SGCZ: variants seen among roughly 807,000 people sequenced by gnomAD.
SGCZ encodes the protein zeta-sarcoglycan.
In SGCZ, 40 loss-of-function variants were observed where a neutral mutation model predicts 41.3. The observed-to-expected ratio is 0.97, with a 90% CI of 0.75 to 1.26. SGCZ has a LOEUF of 1.26. Ranked by LOEUF, SGCZ falls within the 50% of genes most tolerant of loss-of-function variation. The pLI is 0.00. For synonymous variants in SGCZ, 206 were observed against 137.5 expected (o/e 1.50, Z -3.49); for missense variants, 552 against 369.8 (o/e 1.49, Z -4.04).
intron 1 of SGCZ, among the ~76,000 whole-genome samples, chr8:14,569,327 A>T (rs984848174): frequency 6.6e-6 from 1 of 152,136 alleles, no homozygotes; most frequent in East Asian, 1.9e-4. Context: ...TTTATTTCTC[A>T]TACTTTTCAC....
intron 2 of SGCZ, among the ~76,000 whole-genome samples, chr8:14,502,210 A>C (rs1802175411): frequency 6.6e-6 from 1 of 152,120 alleles, no homozygotes; most frequent in Non-Finnish European, 1.5e-5. Flanking sequence ...AAAGATTTCA[A>C]ATAATTAAGC....
intron 3 of SGCZ, among the ~76,000 whole-genome samples, chr8:14,292,030 G>C (rs566727316): frequency 6.6e-6 from 1 of 151,906 alleles, no homozygotes; most frequent in Non-Finnish European, 1.5e-5. Flanking sequence ...ATATTTTACT[G>C]GGCAATGTAA....
chr8:15,161,938 C>T (rs529937848), intron 1 of SGCZ, among the ~76,000 whole-genome samples: 226 of 152,080 alleles, frequency 1.5e-3, no homozygotes, highest in Non-Finnish European at 1.8e-3. Context: ...GGCTGGGACA[C>T]GAGAATCACT....
chr8:14,744,617 T>C (rs1045516306), intron 1 of SGCZ, among the ~76,000 whole-genome samples: 1 of 152,170 alleles, frequency 6.6e-6, no homozygotes, highest in Non-Finnish European at 1.5e-5. Context: ...AGTTCATTTG[T>C]ATACAATGGA....
intron 1 of SGCZ, among the ~76,000 whole-genome samples, chr8:14,567,367 C>G (rs1268519306): frequency 6.6e-6 from 1 of 152,162 alleles, no homozygotes; most frequent in African/African-American, 2.4e-5. Context: ...CCAATCGGCA[C>G]TCTGTATCTA....
intron 1 of SGCZ, among the ~76,000 whole-genome samples, chr8:15,156,408 A>G (rs567645468): frequency 1.6e-4 from 25 of 152,312 alleles, no homozygotes; most frequent in African/African-American, 6.0e-4. Flanking sequence ...GAACTTGCCA[A>G]TCGTGACAAG....
At chr8:14,516,642 C>A (rs1249774988) in intron 2 of SGCZ, among the ~76,000 whole-genome samples, 1 of 151,978 alleles carries the variant, frequency 6.6e-6, no homozygotes, top group Non-Finnish European at 1.5e-5. Flanking sequence ...TGGTACTATT[C>A]CTAAAAAGCA....
At chr8:14,247,001 T>C (rs889236924) in intron 3 of SGCZ, among the ~76,000 whole-genome samples, 7 of 152,062 alleles carry the variant, frequency 4.6e-5, no homozygotes, top group African/African-American at 1.7e-4. Flanking sequence ...ATTTTTATGT[T>C]AAAGGAAGAA....
At chr8:14,217,335 A>C (rs1806034303) in intron 4 of SGCZ, among the ~76,000 whole-genome samples, 2 of 150,236 alleles carry the variant, frequency 1.3e-5, no homozygotes, top group South Asian at 2.1e-4. Flanking sequence ...AGATACACAC[A>C]CACACCCACA....
chr8:14,856,589 G>A (rs1563318663), intron 1 of SGCZ, among the ~76,000 whole-genome samples: 1 of 152,108 alleles, frequency 6.6e-6, no homozygotes, highest in Non-Finnish European at 1.5e-5. Flanking sequence ...GTATTCTGGA[G>A]AGCAATATTA....
intron 3 of SGCZ, among the ~76,000 whole-genome samples, chr8:14,246,621 G>A (rs1308110592): frequency 1.3e-5 from 2 of 150,608 alleles, no homozygotes; most frequent in African/African-American, 4.9e-5. Context: ...GAAATAAAAA[G>A]TAAAAGCTGG....
At chr8:15,087,553 G>A (rs1031615796) in intron 1 of SGCZ, among the ~76,000 whole-genome samples, 7 of 152,000 alleles carry the variant, frequency 4.6e-5, no homozygotes, top group South Asian at 2.1e-4. Flanking sequence ...AAGCATTTGC[G>A]GATAAAGTTG....
At chr8:14,780,972 T>C (rs1246302680) in intron 1 of SGCZ, among the ~76,000 whole-genome samples, 2 of 152,174 alleles carry the variant, frequency 1.3e-5, no homozygotes, top group African/African-American at 4.8e-5. Context: ...GAAACCAGGT[T>C]GTTGTCTTGA....
At chr8:15,090,384 A>T (rs1023909519) in intron 1 of SGCZ, among the ~76,000 whole-genome samples, 1 of 152,202 alleles carries the variant, frequency 6.6e-6, no homozygotes, top group Non-Finnish European at 1.5e-5. Context: ...CATTTTTTCC[A>T]TATTTCAGCT....
chr8:14,627,878 T>C (rs1490294785), intron 1 of SGCZ, among the ~76,000 whole-genome samples: 2 of 152,104 alleles, frequency 1.3e-5, no homozygotes, highest in African/African-American at 4.8e-5. Context: ...TTAACATGTT[T>C]AAATGGAAAA....
chr8:14,752,894 G>C (rs1799542163), intron 1 of SGCZ, among the ~76,000 whole-genome samples: 1 of 152,174 alleles, frequency 6.6e-6, no homozygotes, highest in South Asian at 2.1e-4. Flanking sequence ...ATCTGTGTTT[G>C]AGATAAATGA....
intron 1 of SGCZ, among the ~76,000 whole-genome samples, chr8:15,082,988 T>A (rs1385503851): frequency 1.3e-5 from 2 of 152,204 alleles, no homozygotes; most frequent in African/African-American, 2.4e-5. Flanking sequence ...ACCTTCTTTA[T>A]TCATTGAATT....
intron 3 of SGCZ, among the ~76,000 whole-genome samples, chr8:14,239,302 G>C (rs1241788013): frequency 1.3e-5 from 2 of 150,684 alleles, no homozygotes; most frequent in African/African-American, 2.4e-5. Context: ...ATTCAATCTT[G>C]GCAAAATTCA....
intron 4 of SGCZ, among the ~76,000 whole-genome samples, chr8:14,231,637 C>A (rs950953971): frequency 1.3e-5 from 2 of 151,960 alleles, no homozygotes; most frequent in Non-Finnish European, 1.5e-5. Context: ...TACATAACTA[C>A]CCTTTTTGTT....
Sources: gnomAD v4.1 joint callset for allele counts (sites outside exome capture counted in the v4.1 genomes callset) on GRCh38, gnomAD v4.1.1 for gene constraint, MANE v1.5 for transcripts, NCBI Gene and HGNC (gene_info 2026-07-23, HGNC 2026-07-21) for gene names.